KMT2E: variants seen among roughly 807,000 people sequenced by gnomAD.
The protein encoded by KMT2E is lysine methyltransferase 2E (inactive), also known as histone reader KMT2E.
KMT2E carries 30 observed loss-of-function variants against 184.6 expected under a neutral mutation model. The observed-to-expected ratio is 0.16, with a 90% CI of 0.12 to 0.22. The LOEUF is 0.22. KMT2E is among the 10% of genes least tolerant of loss of function. KMT2E has a pLI of 1.00. For synonymous variants in KMT2E, 815 were observed against 776.5 expected (o/e 1.05, Z -0.82); for missense variants, 2,023 against 2,237.4 (o/e 0.90, Z 1.93).
intron 1 of KMT2E, among the ~76,000 whole-genome samples, chr7:105,034,093 A>C (rs186049998): frequency 1.3e-4 from 20 of 152,274 alleles, no homozygotes; most frequent in Non-Finnish European, 2.4e-4. Flanking sequence ...AAGGCTCCAC[A>C]TCGTAACCTT....
intron 8 of KMT2E, 91 bp from the exon 9 acceptor site, chr7:105,075,952 C>A: frequency 1.0e-6 from 1 of 975,732 alleles, no homozygotes; most frequent in Non-Finnish European, 1.6e-6. Flanking sequence ...TATGACACTT[C>A]AGTTAAAAGT....
At position 105,062,383 on chromosome 7, in the gene KMT2E, TTTCATACTATCAAAATAA is replaced by T. The variant is rs1796853630; in HGVS notation, c.186+108_186+125del. 9.6e-6 allele frequency: 6 copies of T among 624,298 alleles called. No individual in the cohort carries two copies. In the African/African-American group the frequency reaches 1.1e-4, roughly 12 times the overall value. 38.7% of individuals were successfully genotyped at this position (624,298 alleles called of 1,614,324 possible). A position where few individuals can be genotyped will look rare whatever the true frequency, so the allele number is the denominator to read the frequency against. On this transcript the variant is annotated intron_variant, in intron 4 of 26. Coordinates refer to ENST00000311117, the MANE Select transcript of KMT2E (RefSeq NM_182931.3). ...ACGGCATGTTTGAAAAGCATGGTTG[TTTCATACTATCAAAATAA>T]TTAGGCGTTTAATTTTTCATTAACC...
At chr7:105,060,237 C>T (rs555946927) in intron 3 of KMT2E, among the ~76,000 whole-genome samples, 1 of 151,548 alleles carries the variant, frequency 6.6e-6, no homozygotes, top group African/African-American at 2.4e-5. Context: ...TTGTGATCCA[C>T]CCGCCTCTGC....
intron 3 of KMT2E, among the ~76,000 whole-genome samples, chr7:105,056,864 A>C (rs1444620994): frequency 6.6e-6 from 1 of 152,224 alleles, no homozygotes; most frequent in Non-Finnish European, 1.5e-5. Context: ...AAGGTAAAAC[A>C]AATATCCTTA....
intron 15 of KMT2E, among the ~76,000 whole-genome samples, chr7:105,100,149 C>T (rs1174973123): frequency 6.6e-6 from 1 of 152,154 alleles, no homozygotes; most frequent in Non-Finnish European, 1.5e-5. Context: ...CTCTTTGGAC[C>T]TCAGTTTCCT....
At chr7:105,111,773 C>G in intron 26 of KMT2E, 52 bp from the exon 27 acceptor site, 1 of 1,543,456 alleles carries the variant, frequency 6.5e-7, no homozygotes, top group Admixed American at 2.1e-5. Flanking sequence ...GAATAAACCT[C>G]AAGGTACACA....
chr7:105,101,058 C>T (rs915370932), intron 15 of KMT2E, among the ~76,000 whole-genome samples: 3 of 152,080 alleles, frequency 2.0e-5, no homozygotes, highest in Admixed American at 6.6e-5. Flanking sequence ...ATATCATTAC[C>T]TTAGGGATTT....
At chr7:105,106,083 TTAC>T (rs1798887191) in intron 19 of KMT2E, 80 bp downstream of exon 19, 8 of 1,318,884 alleles carry the variant, frequency 6.1e-6, no homozygotes, top group African/African-American at 5.9e-5. Flanking sequence ...ATATTTCTAG[TTAC>T]TGGTATGCAC....
At chr7:105,030,660 G>C (rs1795369766) in intron 1 of KMT2E, among the ~76,000 whole-genome samples, 1 of 152,084 alleles carries the variant, frequency 6.6e-6, no homozygotes, top group Non-Finnish European at 1.5e-5. Context: ...TTAGTTTTTT[G>C]ATAAGGCATT....
chr7:105,025,432 G>A (rs1276593344), intron 1 of KMT2E, among the ~76,000 whole-genome samples: 1 of 152,144 alleles, frequency 6.6e-6, no homozygotes, highest in Non-Finnish European at 1.5e-5. Flanking sequence ...ACTTCTGTGT[G>A]TAAGGTCTAT....
chr7:105,071,164 C>G (rs1188715403), intron 6 of KMT2E, among the ~76,000 whole-genome samples: 2 of 152,176 alleles, frequency 1.3e-5, no homozygotes, highest in Non-Finnish European at 2.9e-5. Flanking sequence ...TAGACATTGA[C>G]TGATAGAGCT....
chr7:105,087,045 AAT>A (rs1326725940), intron 13 of KMT2E, among the ~76,000 whole-genome samples: 8 of 147,218 alleles, frequency 5.4e-5, no homozygotes, highest in Non-Finnish European at 7.5e-5. Flanking sequence ...TGGCATGTAT[AAT>A]ATATATAGCA....
At chr7:105,044,811 A>C (rs557372656) in intron 3 of KMT2E, among the ~76,000 whole-genome samples, 1 of 152,276 alleles carries the variant, frequency 6.6e-6, no homozygotes, top group South Asian at 2.1e-4. Flanking sequence ...GGCCAGGAGA[A>C]TGCTACTTTC....
chr7:105,064,164 G>GTTTTTTTTT lies in KMT2E; in HGVS notation c.416+604_416+612dup, dbSNP rs66946883. 7.2e-4 allele frequency: 55 copies of GTTTTTTTTT among 76,152 alleles called. 4 individuals carry two copies. Among genetic ancestry groups the GTTTTTTTTT allele is most frequent in the Non-Finnish European group, 1.1e-3 (47 of 42,576 alleles). 4.7% of individuals were successfully genotyped at this position (76,152 alleles called of 1,614,324 possible). A position where few individuals can be genotyped will look rare whatever the true frequency, so the allele number is the denominator to read the frequency against. ...GGTTTTGTATCATTTTTTTTTCTTG[G>GTTTTTTTTT]TTTTTTTTTTTTTTTTTTTTTTTTT... is the stretch of plus-strand genomic sequence containing the variant. On this transcript the variant is annotated intron_variant, in intron 5 of 26. Transcript: ENST00000311117.
At chr7:105,084,464 AAAAAT>A (rs1797881897) in intron 13 of KMT2E, among the ~76,000 whole-genome samples, 1 of 152,032 alleles carries the variant, frequency 6.6e-6, no homozygotes, top group African/African-American at 2.4e-5. Context: ...CATCTCTACT[AAAAAT>A]AAAAAAAATT....
chr7:105,036,535 A>G (rs1183577084), intron 1 of KMT2E, among the ~76,000 whole-genome samples: 1 of 152,112 alleles, frequency 6.6e-6, no homozygotes, highest in Non-Finnish European at 1.5e-5. Flanking sequence ...AAGGGTTCAG[A>G]TCTTGATTTG....
chr7:105,036,187 G>GT lies in KMT2E; in HGVS notation c.-188-1928dup, dbSNP rs908760805. ...TGTTGTTCTTTTGGTTTTTTTTTTT[G>GT]TTTTTTTTTTTGGCAGAGTCTGTCA... On this transcript the variant is annotated intron_variant, in intron 1 of 26. Transcript: ENST00000311117. 5.4e-3 allele frequency among the ~76,000 whole-genome samples: 678 copies of GT among 125,636 alleles called. 3 individuals carry two copies. Among genetic ancestry groups the GT allele is most frequent in the Middle Eastern group, 7.8e-3 (2 of 258 alleles). 82.4% of individuals were successfully genotyped at this position (125,636 alleles called of 152,430 possible). A position where few individuals can be genotyped will look rare whatever the true frequency, so the allele number is the denominator to read the frequency against.
At chr7:105,060,896 T>C (rs948960655) in intron 3 of KMT2E, among the ~76,000 whole-genome samples, 31 of 152,250 alleles carry the variant, frequency 2.0e-4, no homozygotes, top group African/African-American at 7.2e-4. Context: ...AGGTGTATAG[T>C]AGGCTATACC....
In KMT2E at chr7:105,041,030, A is replaced by G; in HGVS notation, c.71+7A>G. On this transcript the variant is annotated splice_region_variant and intron_variant, in intron 3 of 26. Coordinates refer to ENST00000311117, the MANE Select transcript of KMT2E (RefSeq NM_182931.3). ...AAATGGCTGCAGGTTCAGAGTAAGT[A>G]TTTAAATTGGTTACATAAGCAAAAA... is the stretch of plus-strand genomic sequence containing the variant. The G allele has an allele frequency of 7.5e-7, 1 of 1,340,144 alleles. No individual in the cohort carries two copies. The highest frequency in any genetic ancestry group is 1.2e-5 in the South Asian group (1 of 83,968). 83.0% of individuals were successfully genotyped at this position (1,340,144 alleles called of 1,614,324 possible).
Sources: allele counts gnomAD v4.1 joint callset (sites outside exome capture counted in the v4.1 genomes callset), GRCh38; gene constraint gnomAD v4.1.1; transcripts MANE v1.5; gene names NCBI Gene and HGNC (gene_info 2026-07-23, HGNC 2026-07-21).